Variants in LRP1B observed in about 807,000 individuals in gnomAD.
LRP1B encodes low-density lipoprotein receptor-related protein 1B.
Under a neutral mutation model 556.6 loss-of-function variants are expected in LRP1B, and 217 were observed. The observed-to-expected ratio is 0.39, with a 90% CI of 0.35 to 0.44. The LOEUF is 0.44. LRP1B is among the 20% of genes least tolerant of loss of function. The pLI, the probability that LRP1B is intolerant of heterozygous loss-of-function variation, is 1.00. For synonymous variants in LRP1B, 2,047 were observed against 1,865.8 expected, an observed-to-expected ratio of 1.10 and a Z score of -2.50; for missense variants, 5,053 against 5,620.8, an observed-to-expected ratio of 0.90 and a Z score of 3.23.
intron 1 of LRP1B, among the ~76,000 whole-genome samples, chr2:142,128,649 A>G (rs944245638): frequency 1.3e-5 from 2 of 152,134 alleles, no homozygotes; most frequent in African/African-American, 2.4e-5. Flanking sequence ...TAAATATATA[A>G]TAGTGGCAAA....
At chr2:141,188,357 T>G (rs1681353349) in intron 7 of LRP1B, 64 bp downstream of exon 7, 7 of 1,469,078 alleles carry the variant, frequency 4.8e-6, no homozygotes, top group Non-Finnish European at 6.6e-6. Flanking sequence ...ACACTTGTCA[T>G]ACTTCAATCT....
chr2:141,815,836 C>T (rs1337750190), intron 1 of LRP1B, among the ~76,000 whole-genome samples: 1 of 152,168 alleles, frequency 6.6e-6, no homozygotes, highest in Non-Finnish European at 1.5e-5. Flanking sequence ...AGAGCTGTAA[C>T]ACTCACTATT....
chr2:140,276,484 C>T (rs1473309972), intron 84 of LRP1B, among the ~76,000 whole-genome samples: 19 of 151,812 alleles, frequency 1.3e-4, no homozygotes, highest in Admixed American at 1.3e-3. Context: ...TGTAGTTGTT[C>T]TAGGCTTGGA....
Position 140,842,149 on chromosome 2 carries a change from G to A in LRP1B, c.4940-1057C>T, listed in dbSNP as rs115105828. 4.8e-3 allele frequency among the ~76,000 whole-genome samples: 729 copies of A among 152,206 alleles called. 8 individuals are homozygous for A. Among genetic ancestry groups the A allele is most frequent in the African/African-American group, 0.017 (690 of 41,532 alleles). ...GAGCAGCTGCTACCTACCTCTAGTC[G>A]AATTGCTATAACTTCCCTTTTTATT... On this transcript the variant is annotated intron_variant, in intron 29 of 90. Transcript: ENST00000389484.
intron 80 of LRP1B, among the ~76,000 whole-genome samples, chr2:140,324,627 ATAG>A (rs779967485): frequency 4.1e-4 from 62 of 152,210 alleles, no homozygotes; most frequent in African/African-American, 1.4e-3. Flanking sequence ...TCTAAAAATA[ATAG>A]TAACCATTAT....
chr2:140,803,883 C>A (rs533268594), intron 32 of LRP1B, among the ~76,000 whole-genome samples: 2,305 of 136,682 alleles, frequency 0.017, 62 homozygotes, highest in African/African-American at 0.061. Flanking sequence ...CCAACCCCCC[C>A]AAAAAAAAGA....
intron 66 of LRP1B, among the ~76,000 whole-genome samples, chr2:140,416,861 A>T (rs1217425071): frequency 6.6e-6 from 1 of 152,138 alleles, no homozygotes; most frequent in African/African-American, 2.4e-5. Flanking sequence ...CACACTGCAC[A>T]CTTGTTTCAG....
intron 2 of LRP1B, among the ~76,000 whole-genome samples, chr2:141,500,117 T>G (rs938604289): frequency 6.6e-6 from 1 of 152,120 alleles, no homozygotes; most frequent in Non-Finnish European, 1.5e-5. Context: ...GATGTCTTAC[T>G]GAAGACAGTG....
chr2:140,272,677 T>G (rs1279195305), intron 85 of LRP1B, among the ~76,000 whole-genome samples: 1 of 151,968 alleles, frequency 6.6e-6, no homozygotes, highest in Non-Finnish European at 1.5e-5. Context: ...AATTCTAACA[T>G]CACTAACTTC....
At chr2:141,330,800 T>G (rs1687611888) in intron 3 of LRP1B, among the ~76,000 whole-genome samples, 1 of 147,126 alleles carries the variant, frequency 6.8e-6, no homozygotes, top group Non-Finnish European at 1.5e-5. Flanking sequence ...TCGCCCAGGC[T>G]GGAGTGCAGT....
intron 2 of LRP1B, among the ~76,000 whole-genome samples, chr2:141,654,303 T>C (rs1026140424): frequency 6.6e-6 from 1 of 152,142 alleles, no homozygotes; most frequent in Non-Finnish European, 1.5e-5. Context: ...TTACAAGAAG[T>C]TGAAAATTTG....
At chr2:140,983,237 T>C (rs1696825019) in intron 17 of LRP1B, among the ~76,000 whole-genome samples, 1 of 152,102 alleles carries the variant, frequency 6.6e-6, no homozygotes, top group African/African-American at 2.4e-5. Flanking sequence ...ATATCCCCTC[T>C]ACCCTTTCCT....
At chr2:140,453,659 C>CT (rs1304390922) in intron 62 of LRP1B, among the ~76,000 whole-genome samples, 3 of 141,220 alleles carry the variant, frequency 2.1e-5, no homozygotes, top group African/African-American at 2.6e-5. Flanking sequence ...ATTAAGTTGA[C>CT]TTTTTTCCTA....
At chr2:140,476,519 C>A (rs971406145) in intron 59 of LRP1B, among the ~76,000 whole-genome samples, 2 of 151,878 alleles carry the variant, frequency 1.3e-5, no homozygotes, top group African/African-American at 4.8e-5. Flanking sequence ...ATTTTAACCA[C>A]ATACTAAAAA....
chr2:141,775,812 T>C (rs531282219), intron 2 of LRP1B, among the ~76,000 whole-genome samples: 1 of 152,082 alleles, frequency 6.6e-6, no homozygotes, highest in African/African-American at 2.4e-5. Flanking sequence ...TACTGAAATA[T>C]GTATTTATGG....
intron 2 of LRP1B, among the ~76,000 whole-genome samples, chr2:141,619,683 A>G (rs78260144): frequency 0.011 from 1,698 of 152,314 alleles, 19 homozygotes; most frequent in Middle Eastern, 0.017. Context: ...TTAGTTCAAC[A>G]AGAGTAGCAA....
chr2:141,767,656 G>C (rs16847091), intron 2 of LRP1B, among the ~76,000 whole-genome samples: 28,603 of 152,030 alleles, frequency 0.19, 3,157 homozygotes, highest in East Asian at 0.39. Flanking sequence ...TCTGAGAATG[G>C]TCTGTTTGGA....
intron 2 of LRP1B, among the ~76,000 whole-genome samples, chr2:141,733,570 C>T (rs1478678438): frequency 6.6e-6 from 1 of 152,080 alleles, no homozygotes; most frequent in Non-Finnish European, 1.5e-5. Context: ...TCCCCGCTGC[C>T]TACAGAATAA....
intron 1 of LRP1B, among the ~76,000 whole-genome samples, chr2:141,906,495 A>C (rs560750816): frequency 4.4e-4 from 67 of 152,130 alleles, no homozygotes; most frequent in African/African-American, 1.6e-3. Flanking sequence ...TGTACAGCAA[A>C]CAAGTTTTTT....
Sources: allele counts gnomAD v4.1 joint callset (sites outside exome capture counted in the v4.1 genomes callset), GRCh38; gene constraint gnomAD v4.1.1; transcripts MANE v1.5; gene names NCBI Gene and HGNC (gene_info 2026-07-23, HGNC 2026-07-21).